The following CYP2R1 variants were observed in gnomAD, a reference collection of about 807,000 sequenced individuals.
CYP2R1 encodes the protein cytochrome P450 family 2 subfamily R member 1, also known as vitamin D 25-hydroxylase.
In CYP2R1, 40 loss-of-function variants were observed where a neutral mutation model predicts 45.7. The observed-to-expected ratio is 0.87, with a 90% CI of 0.68 to 1.14. CYP2R1 has a LOEUF of 1.14. Ranked by LOEUF, CYP2R1 falls within the 50% of genes most tolerant of loss-of-function variation. The pLI is 0.00. For missense variants in CYP2R1, 605 were observed against 602.6 expected (o/e 1.00, Z -0.04); for synonymous variants, 234 against 219.3 (o/e 1.07, Z -0.59).
chr11:14,881,750 T>C lies in CYP2R1; in HGVS notation c.368-982A>G, dbSNP rs375467974. On this transcript the variant is annotated intron_variant, in intron 2 of 4. Transcript: ENST00000334636. ...CATATGACATGCTGGCTTTCCTCAA[T>C]GCCTTCTGCCATGATTGTGAGCTTC... Among the ~76,000 whole-genome samples the C allele has an allele frequency of 3.2e-3, 483 of 152,242 alleles. 4 individuals carry two copies. In the Middle Eastern group the frequency reaches 0.041, roughly 13 times the overall value.
chr11:14,882,702 G>C (rs1439588641), intron 2 of CYP2R1, among the ~76,000 whole-genome samples: 1 of 152,152 alleles, frequency 6.6e-6, no homozygotes, highest in Non-Finnish European at 1.5e-5. Flanking sequence ...GCAGGAGAAG[G>C]AAATAAAGGG....
At position 14,879,421 on chromosome 11, in the gene CYP2R1, A is replaced by G; in HGVS notation, c.1023T>C (p.Asp341=). 1 of 1,603,966 alleles carries G rather than the reference A, an allele frequency of 6.2e-7. No individual in the cohort carries two copies. The highest frequency in any genetic ancestry group is 8.5e-7 in the Non-Finnish European group (1 of 1,179,196). ...NIQGQVQKEI[D]LIMGPNGKPS... is the part of the protein sequence containing the mutation. ...GCTTCCCATTAGGGCCCATAATTAA[A>G]TCAATCTCTTTCTGAACTTGTCCTG... The change falls in exon 4 of 5, where the codon GAT becomes GAC. Residue 341 remains aspartate (D), a synonymous_variant. Transcript: ENST00000334636.
intron 1 of CYP2R1, 150 bp downstream of exon 1, chr11:14,891,831 C>T (rs1385773625): frequency 7.0e-7 from 1 of 1,422,026 alleles, no homozygotes; most frequent in South Asian, 1.5e-5. Context: ...CTTCCAGACC[C>T]GGGAAGCGGG....
In CYP2R1 at chr11:14,892,111, T is replaced by C; in HGVS notation, c.95A>G (p.Lys32Arg). The change falls in exon 1 of 5, where the codon AAG becomes AGG. Residue 32 changes from lysine to arginine, a missense_variant. By Grantham distance (26) the Lys-to-Arg change is conservative. Coordinates refer to ENST00000334636, the MANE Select transcript of CYP2R1 (RefSeq NM_024514.5). ...LFALGVRQLL[K>R]QRRPMGFPPG... is the part of the protein sequence containing the mutation. ...GGGGAAGCCCATCGGCCGCCTCTGC[T>C]TCAGCAGCTGGCGGACCCCTAGCGC... 1 of 1,611,838 alleles carries C rather than the reference T, an allele frequency of 6.2e-7. No homozygotes were observed.
chr11:14,886,831 C>T (rs550268291), intron 1 of CYP2R1: 1 of 152,202 alleles, frequency 6.6e-6, no homozygotes, highest in African/African-American at 2.4e-5. Context: ...CAGAAGAAAA[C>T]AGGAGGCTTA....
At position 14,880,701 on chromosome 11, in the gene CYP2R1, TC is replaced by T; in HGVS notation, c.434del (p.Arg145HisfsTer38). On this transcript the variant is annotated frameshift_variant, in exon 3 of 5. Transcript: ENST00000334636. LOFTEE classifies it high-confidence loss of function. Reference protein sequence around the residue: ...DHRRLAVNSFRYFGYGQKSFE... With the variant: ...DHRRLAVNSFXYFGYGQKSFE... The stretch of plus-strand genomic sequence containing the variant: ...AAGACTTTTGGCCATATCCAAAATA[TC>T]GAAAACTGTTTACAGCTAATCGTCT... 1 of 1,597,780 alleles carries T rather than the reference TC, an allele frequency of 6.3e-7. No individual in the cohort carries two copies. Among genetic ancestry groups the T allele is most frequent in the Non-Finnish European group, 8.5e-7 (1 of 1,175,448 alleles).
chr11:14,878,148 A>G lies in CYP2R1; in HGVS notation c.1480T>C (p.Tyr494His). The G allele has an allele frequency of 1.9e-6, 3 of 1,613,166 alleles. No individual in the cohort carries two copies. Among genetic ancestry groups the G allele is most frequent in the Non-Finnish European group, 2.5e-6 (3 of 1,179,416 alleles). Reference protein sequence around the residue: ...RLGMTLQPQPYLICAERR With the variant: ...RLGMTLQPQPHLICAERR ...CAGCGTCTTTCAGCACAGATGAGGT[A>G]GGGTTGGGGCTGCAATGTCATGCCT... is the stretch of plus-strand genomic sequence containing the variant. The change falls in exon 5 of 5, where the codon TAC becomes CAC. Residue 494 changes from tyrosine (Y) to histidine (H), a missense_variant. Transcript: ENST00000334636.
At chr11:14,891,648 T>C (rs1370288997) in intron 1 of CYP2R1, 5 of 1,149,538 alleles carry the variant, frequency 4.3e-6, no homozygotes, top group South Asian at 4.5e-5. Context: ...GCGTCCACCC[T>C]GGACCTGAAG....
chr11:14,879,128 A>G lies in CYP2R1; in HGVS notation c.1316T>C (p.Val439Ala). 6.2e-7 allele frequency: 1 copy of G among 1,613,108 alleles called. No homozygotes were observed. ...SGYFAKKEAL[V>A]PFSLGRRHCL... ...AGTTCTCTTACCTAGGGAAAAAGGAACCAAAGCTTCCTTCTTGGCAAAATA... is the reference window on the plus strand; with the variant it reads ...AGTTCTCTTACCTAGGGAAAAAGGAGCCAAAGCTTCCTTCTTGGCAAAATA... Residue 439 changes from valine to alanine, a missense_variant, in exon 4 of 5, where the codon GTT (valine) becomes GCT (alanine). By Grantham distance (64) the Val-to-Ala change is moderately conservative. Coordinates refer to ENST00000334636, the MANE Select transcript of CYP2R1 (RefSeq NM_024514.5).
intron 4 of CYP2R1, 23 bp from the exon 5 acceptor site, chr11:14,878,320 A>G: frequency 6.2e-7 from 1 of 1,610,478 alleles, no homozygotes. Context: ...AGCAGATACA[A>G]TAATTTTTTA....
Position 14,879,462 on chromosome 11 carries a change from T to A in CYP2R1, c.1001-19A>T. The A allele has an allele frequency of 6.4e-7, 1 of 1,572,482 alleles. No homozygotes were observed. Among genetic ancestry groups the A allele is most frequent in the Non-Finnish European group, 8.6e-7 (1 of 1,157,270 alleles). ...ACTTGTCCTGTCAGAGAAAAAGTAT[T>A]CAAGTTATTATGCAGTTCTTAGAAT... On this transcript the variant is annotated intron_variant, in intron 3 of 4. Coordinates refer to ENST00000334636, the MANE Select transcript of CYP2R1 (RefSeq NM_024514.5).
In CYP2R1 at chr11:14,880,748, CAT is replaced by C; in HGVS notation, c.386_387del (p.Tyr129TrpfsTer6). 6.2e-7 allele frequency: 1 copy of C among 1,607,984 alleles called. No individual in the cohort carries two copies. The highest frequency in any genetic ancestry group is 8.5e-7 in the Non-Finnish European group (1 of 1,178,110). On this transcript the variant is annotated frameshift_variant, in exon 3 of 5. Transcript: ENST00000334636. LOFTEE classifies it high-confidence loss of function. The stretch of plus-strand genomic sequence containing the variant: ...CGTCTGTGATCAACCCATCCTCGGC[CAT>C]ATCTGGAATTGAGTAAGCCTGAAAA... ...TKMGGLLNSR[Y>X]GRGWVDHRRL...
Position 14,892,135 on chromosome 11 carries a change from G to A in CYP2R1, c.71C>T (p.Ala24Val), listed in dbSNP as rs1555017375. The change falls in exon 1 of 5, where the codon GCG becomes GTG. Residue 24 changes from alanine to valine, a missense_variant. Coordinates refer to ENST00000334636, the MANE Select transcript of CYP2R1 (RefSeq NM_024514.5). Reference sequence around the variant, plus strand: ...CTTCAGCAGCTGGCGGACCCCTAGCGCGAAGAGCAGCAGGAAGAGCGCGCC... The same window carrying A: ...CTTCAGCAGCTGGCGGACCCCTAGCACGAAGAGCAGCAGGAAGAGCGCGCC... The part of the protein sequence containing the change: ...LGGALFLLLF[A>V]LGVRQLLKQR... The A allele has an allele frequency of 6.2e-7, 1 of 1,611,342 alleles. No homozygotes were observed. Among genetic ancestry groups the A allele is most frequent in the Non-Finnish European group, 8.5e-7 (1 of 1,179,726 alleles).
chr11:14,880,324 T>A lies in CYP2R1; in HGVS notation c.812A>T (p.Gln271Leu). The A allele has an allele frequency of 1.2e-6, 2 of 1,613,308 alleles. No individual in the cohort carries two copies. The highest frequency in any genetic ancestry group is 4.5e-5 in the East Asian group (2 of 44,858). Residue 271 changes from glutamine to leucine, a missense_variant, in exon 3 of 5, where the codon CAG becomes CTG. Transcript: ENST00000334636. ...IEKASVNRKP[Q>L]LPQHFVDAYL... is the part of the protein sequence containing the mutation. ...AGCATCAACAAAATGCTGAGGTAGC[T>A]GAGGCTTTCTGTTGACTGAAGCTTT...
At chr11:14,890,825 G>T in intron 1 of CYP2R1, 1 of 978,266 alleles carries the variant, frequency 1.0e-6, no homozygotes, top group Non-Finnish European at 1.2e-6. Context: ...TGGGATTATA[G>T]GCGTGAGCCA....
In CYP2R1 at chr11:14,878,421, A is replaced by T. The variant is rs1848240223; in HGVS notation, c.1331-124T>A. On this transcript the variant is annotated intron_variant, in intron 4 of 4. Coordinates refer to ENST00000334636, the MANE Select transcript of CYP2R1 (RefSeq NM_024514.5). ...AACAAAGAAAGAGGGAACTATGTTTATTAAAGGATTTTCTTAAATCTCAAA... is the reference window on the plus strand; with the variant it reads ...AACAAAGAAAGAGGGAACTATGTTTTTTAAAGGATTTTCTTAAATCTCAAA... The T allele has an allele frequency of 6.5e-6, 6 of 927,496 alleles. No homozygotes were observed. The South Asian group carries it at 9.8e-5, about 15-fold the overall frequency. 57.5% of individuals were successfully genotyped at this position (927,496 alleles called of 1,614,324 possible). A position where few individuals can be genotyped will look rare whatever the true frequency, so the allele number is the denominator to read the frequency against.
chr11:14,890,443 C>A (rs1324522228), intron 1 of CYP2R1: 13 of 981,478 alleles, frequency 1.3e-5, no homozygotes, highest in African/African-American at 1.8e-5. Flanking sequence ...TTTATTATCT[C>A]GTCCAGCTTC....
intron 1 of CYP2R1, chr11:14,891,663 G>C (rs1430798164): frequency 8.6e-7 from 1 of 1,161,262 alleles, no homozygotes; most frequent in African/African-American, 1.6e-5. Flanking sequence ...CTGAAGTGGC[G>C]GCGCGGCTGG....
Position 14,891,962 on chromosome 11 carries a change from G to T in CYP2R1, c.225+19C>A. The T allele has an allele frequency of 6.2e-7, 1 of 1,610,388 alleles. No individual in the cohort carries two copies. The highest frequency in any genetic ancestry group is 1.1e-5 in the South Asian group (1 of 90,644). ...CCAGCCTGGCGGCCCTCCCTGCCCG[G>T]GGCCCGTCGGGGCTGTACCTCTCCG... On this transcript the variant is annotated intron_variant, in intron 1 of 4. Transcript: ENST00000334636.
Sources: allele counts gnomAD v4.1 joint callset (sites outside exome capture counted in the v4.1 genomes callset), GRCh38; gene constraint gnomAD v4.1.1; transcripts MANE v1.5; gene names NCBI Gene and HGNC (gene_info 2026-07-23, HGNC 2026-07-21).